The following GRID1 variants were observed in gnomAD, a reference collection of about 807,000 sequenced individuals.
GRID1 encodes glutamate ionotropic receptor delta type subunit 1.
In GRID1, 28 loss-of-function variants were observed where a neutral mutation model predicts 98.0. The observed-to-expected ratio is 0.29, with a 90% CI of 0.21 to 0.39. The LOEUF (loss-of-function observed/expected upper bound fraction) is 0.39, where lower values mean the gene tolerates loss of function less well. GRID1 is among the 10% of genes least tolerant of loss of function. The probability of loss-of-function intolerance (pLI) is 1.00; values close to 1 mark genes in which losing one functional copy is unlikely to be tolerated. For synonymous variants in GRID1, 553 were observed against 538.5 expected (o/e 1.03, Z -0.37); for missense variants, 1,111 against 1,340.5 (o/e 0.83, Z 2.67).
chr10:86,104,852 C>T (rs1382913224), intron 4 of GRID1, among the ~76,000 whole-genome samples: 2 of 152,150 alleles, frequency 1.3e-5, no homozygotes, highest in African/African-American at 4.8e-5. Context: ...CATGCATGGC[C>T]GATGAAGTGC....
intron 2 of GRID1, among the ~76,000 whole-genome samples, chr10:86,313,728 C>T (rs906633523): frequency 6.6e-6 from 1 of 152,192 alleles, no homozygotes; most frequent in Non-Finnish European, 1.5e-5. Context: ...CAGCCTTCTC[C>T]CCAGCTGAGG....
intron 4 of GRID1, among the ~76,000 whole-genome samples, chr10:86,037,749 T>C (rs1277265598): frequency 6.6e-6 from 1 of 152,050 alleles, no homozygotes; most frequent in Non-Finnish European, 1.5e-5. Context: ...CAGTGAGAGC[T>C]ATAGTCAATG....
intron 4 of GRID1, among the ~76,000 whole-genome samples, chr10:85,952,829 C>T (rs1373398530): frequency 6.6e-6 from 1 of 152,160 alleles, no homozygotes; most frequent in African/African-American, 2.4e-5. Flanking sequence ...CATTTACACT[C>T]AGATTTTCTT....
intron 15 of GRID1, among the ~76,000 whole-genome samples, chr10:85,610,339 C>T (rs1039593188): frequency 2.6e-5 from 4 of 152,210 alleles, no homozygotes; most frequent in Non-Finnish European, 4.4e-5. Flanking sequence ...GCATTTAAGT[C>T]CTTCGGAGCA....
chr10:86,337,760 T>C (rs998681110), intron 2 of GRID1, among the ~76,000 whole-genome samples: 3 of 124,078 alleles, frequency 2.4e-5, no homozygotes, highest in African/African-American at 9.4e-5. Flanking sequence ...CAGGCTGGAG[T>C]GCAGTGACAT....
chr10:86,300,814 C>T (rs1019524382), intron 2 of GRID1, among the ~76,000 whole-genome samples: 1 of 152,104 alleles, frequency 6.6e-6, no homozygotes, highest in South Asian at 2.1e-4. Context: ...CAGCCACTTC[C>T]CACTCCCACC....
intron 2 of GRID1, among the ~76,000 whole-genome samples, chr10:86,303,529 A>G (rs1040717765): frequency 3.3e-5 from 5 of 152,184 alleles, no homozygotes; most frequent in Non-Finnish European, 7.4e-5. Context: ...AGCACTCACT[A>G]TCTAAGAGGC....
rs373972945 is a variant in GRID1 at position 85,851,907 on chromosome 10, G to A, written c.1233+2589C>T. ...CATCCTCAATTTTTTTCTCCCTTAT[G>A]TGAATGTCCTTTATTTTTAAGTTAC... On this transcript the variant is annotated intron_variant, in intron 8 of 15. Transcript: ENST00000327946. Among the ~76,000 whole-genome samples, 264 of 152,022 alleles carry A rather than the reference G, an allele frequency of 1.7e-3. 1 individual carries two copies. Among genetic ancestry groups the A allele is most frequent in the African/African-American group, 6.2e-3 (258 of 41,464 alleles).
At chr10:86,228,223 G>A (rs192013458) in intron 2 of GRID1, among the ~76,000 whole-genome samples, 19 of 148,382 alleles carry the variant, frequency 1.3e-4, no homozygotes, top group East Asian at 2.0e-4. Flanking sequence ...GTAGGTGGCC[G>A]GATGGATGTG....
chr10:85,881,574 T>C (rs1197736583), intron 5 of GRID1, among the ~76,000 whole-genome samples: 1 of 152,196 alleles, frequency 6.6e-6, no homozygotes, highest in Non-Finnish European at 1.5e-5. Flanking sequence ...TAGCCATATG[T>C]AGAAAGCTGA....
intron 4 of GRID1, among the ~76,000 whole-genome samples, chr10:85,970,945 A>T (rs1375544310): frequency 6.6e-6 from 1 of 152,078 alleles, no homozygotes; most frequent in African/African-American, 2.4e-5. Context: ...AAGTCCTAAG[A>T]TATTCACACA....
intron 8 of GRID1, among the ~76,000 whole-genome samples, chr10:85,842,907 ATGCCT>A (rs1284235131): frequency 6.6e-6 from 1 of 152,084 alleles, no homozygotes; most frequent in African/African-American, 2.4e-5. Context: ...TACTACCCTG[ATGCCT>A]AAAGCAGATA....
chr10:86,111,527 G>A (rs1844484025), intron 4 of GRID1, among the ~76,000 whole-genome samples: 1 of 152,168 alleles, frequency 6.6e-6, no homozygotes, highest in South Asian at 2.1e-4. Flanking sequence ...TGTATCTCAG[G>A]GAAGGACACC....
At chr10:86,077,773 A>G (rs1406385288) in intron 4 of GRID1, among the ~76,000 whole-genome samples, 1 of 152,232 alleles carries the variant, frequency 6.6e-6, no homozygotes, top group African/African-American at 2.4e-5. Context: ...AAGCTGAGGA[A>G]TACATAGATT....
At chr10:85,815,738 G>T (rs996404210) in intron 8 of GRID1, among the ~76,000 whole-genome samples, 4 of 152,062 alleles carry the variant, frequency 2.6e-5, no homozygotes, top group Admixed American at 6.5e-5. Flanking sequence ...CAAAATTTAA[G>T]TACTGATTCT....
chr10:85,834,120 A>C (rs1842892786), intron 8 of GRID1, among the ~76,000 whole-genome samples: 1 of 152,222 alleles, frequency 6.6e-6, no homozygotes, highest in African/African-American at 2.4e-5. Flanking sequence ...GAAGATGTAA[A>C]CCTGGAAATT....
chr10:86,155,480 A>C (rs1485615739), intron 3 of GRID1, among the ~76,000 whole-genome samples: 4 of 152,238 alleles, frequency 2.6e-5, no homozygotes, highest in Non-Finnish European at 5.9e-5. Flanking sequence ...AGGGAAATGA[A>C]CACCCCAGAA....
At chr10:85,913,944 T>C (rs996539913) in intron 5 of GRID1, among the ~76,000 whole-genome samples, 14 of 152,192 alleles carry the variant, frequency 9.2e-5, no homozygotes, top group South Asian at 2.1e-4. Flanking sequence ...ACACCATCCA[T>C]GTGCACTGCC....
At chr10:86,102,640 T>A (rs1335334247) in intron 4 of GRID1, among the ~76,000 whole-genome samples, 1 of 152,214 alleles carries the variant, frequency 6.6e-6, no homozygotes, top group Non-Finnish European at 1.5e-5. Context: ...TGCCCAGTCC[T>A]GGAAAGGCCC....
Sources: gnomAD v4.1 joint callset for allele counts (sites outside exome capture counted in the v4.1 genomes callset) on GRCh38, gnomAD v4.1.1 for gene constraint, MANE v1.5 for transcripts, NCBI Gene and HGNC (gene_info 2026-07-23, HGNC 2026-07-21) for gene names.